Variants in FAM227A observed in about 807,000 individuals in gnomAD.
FAM227A encodes the protein family with sequence similarity 227 member A, also known as protein FAM227A.
Under a neutral mutation model 74.7 loss-of-function variants are expected in FAM227A, and 80 were observed. The ratio of observed to expected loss-of-function variants is 1.07; its 90% confidence interval spans 0.89 to 1.29. The LOEUF is 1.29. FAM227A is among the 50% of genes most tolerant of loss of function. The pLI is 0.00. For missense variants in FAM227A, 654 were observed against 683.4 expected, an observed-to-expected ratio of 0.96 and a Z score of 0.48; for synonymous variants, 237 against 241.8, an observed-to-expected ratio of 0.98 and a Z score of 0.19.
chr22:38,643,266 A>AGGT (rs1371075165), intron 3 of FAM227A, among the ~76,000 whole-genome samples: 1 of 151,962 alleles, frequency 6.6e-6, no homozygotes, highest in Non-Finnish European at 1.5e-5. Flanking sequence ...CAGTGAGCCA[A>AGGT]GATCACGCCA....
rs1423267729 is a variant in FAM227A, at chr22:38,656,298, TACTCTG to T, written c.-279_-274del. 6 of 152,368 alleles carry T rather than the reference TACTCTG, an allele frequency of 3.9e-5. No homozygotes were observed. The highest frequency in any genetic ancestry group is 3.9e-4 in the Admixed American group (6 of 15,286). 9.4% of individuals were successfully genotyped at this position (152,368 alleles called of 1,614,324 possible). A position where few individuals can be genotyped will look rare whatever the true frequency, so the allele number is the denominator to read the frequency against. On this transcript the variant is annotated 5_prime_UTR_variant, in exon 1 of 17. An upstream open reading frame in the 5' UTR gains an earlier in-frame stop. Transcript: ENST00000535113. Reference sequence around the variant, plus strand: ...GGAGTTGGGGAGAGGCCCATTTTGCTACTCTGAGTCCAGGCGTTCTCTAGGCAACGC... The same window carrying T: ...GGAGTTGGGGAGAGGCCCATTTTGCTAGTCCAGGCGTTCTCTAGGCAACGC...
At chr22:38,636,198 G>A (rs1212153348) in intron 6 of FAM227A, among the ~76,000 whole-genome samples, 1 of 152,250 alleles carries the variant, frequency 6.6e-6, no homozygotes, top group Non-Finnish European at 1.5e-5. Context: ...AAACAGACAC[G>A]TTTCAATGAG....
rs983969610 is a variant in FAM227A, at chr22:38,645,584, G to C, written c.204C>G (p.Thr68=). The change falls in exon 3 of 17, where the codon ACC becomes ACG. Residue 68 remains threonine, a synonymous_variant. Transcript: ENST00000535113. ...NQKIADINLR[T]EPSANSLAIE... is the part of the protein sequence containing the mutation. The stretch of plus-strand genomic sequence containing the variant: ...TCACCAGGCTGTTGGCCGACGGCTC[G>C]GTACGCAGATTTATGTCAGCAATCT... 7 of 1,551,236 alleles carry C rather than the reference G, an allele frequency of 4.5e-6. No individual in the cohort carries two copies. The East Asian group carries it at 7.3e-5, about 16-fold the overall frequency.
chr22:38,590,966 G>C (rs149960982), intron 16 of FAM227A, among the ~76,000 whole-genome samples: 250 of 152,032 alleles, frequency 1.6e-3, no homozygotes, highest in Non-Finnish European at 3.0e-3. Context: ...TGTATTTTTA[G>C]TAGAGATGGG....
chr22:38,643,182 G>A (rs759671877), intron 3 of FAM227A, among the ~76,000 whole-genome samples: 3 of 151,744 alleles, frequency 2.0e-5, no homozygotes, highest in Non-Finnish European at 2.9e-5. Flanking sequence ...CGGGAGTGGT[G>A]GTGGGTGCCT....
At chr22:38,606,904 C>T (rs772616543) in intron 12 of FAM227A, among the ~76,000 whole-genome samples, 4 of 152,110 alleles carry the variant, frequency 2.6e-5, no homozygotes, top group East Asian at 1.9e-4. Flanking sequence ...TTAGGCTGGG[C>T]GAGGTGGCTC....
intron 15 of FAM227A, among the ~76,000 whole-genome samples, chr22:38,594,035 C>T (rs917590051): frequency 6.6e-6 from 1 of 152,168 alleles, no homozygotes; most frequent in African/African-American, 2.4e-5. Context: ...ACCATCTGAT[C>T]TTGCCTTTTT....
At chr22:38,631,154 C>T (rs573900866) in intron 6 of FAM227A, among the ~76,000 whole-genome samples, 32 of 152,094 alleles carry the variant, frequency 2.1e-4, no homozygotes, top group Non-Finnish European at 4.3e-4. Context: ...GGCGACAGAG[C>T]GAGTGTCTTA....
At chr22:38,610,886 C>T (rs2091398361) in intron 11 of FAM227A, among the ~76,000 whole-genome samples, 1 of 152,078 alleles carries the variant, frequency 6.6e-6, no homozygotes, top group African/African-American at 2.4e-5. Flanking sequence ...ATGGTGAAAC[C>T]CTGTCTCTAC....
rs1296190923 is a variant in FAM227A, at chr22:38,597,125, C to T, written c.1532+79G>A. On this transcript the variant is annotated intron_variant, in intron 15 of 16. Coordinates refer to ENST00000535113, the MANE Select transcript of FAM227A (RefSeq NM_001013647.2). ...ACAGGAAACCCCCCTGCCCCACCAA[C>T]CCATTTAAAAATGATGATGATCGTG... 9.3e-6 allele frequency: 13 copies of T among 1,400,752 alleles called. No individual in the cohort carries two copies. In the African/African-American group the frequency reaches 1.9e-4, roughly 20 times the overall value. 86.8% of individuals were successfully genotyped at this position (1,400,752 alleles called of 1,614,324 possible). A position where few individuals can be genotyped will look rare whatever the true frequency, so the allele number is the denominator to read the frequency against.
chr22:38,612,983 G>A (rs1015187305), intron 11 of FAM227A, among the ~76,000 whole-genome samples: 4 of 143,118 alleles, frequency 2.8e-5, no homozygotes, highest in Non-Finnish European at 4.5e-5. Flanking sequence ...CCTCCTTACA[G>A]AGGCCTTCTT....
intron 10 of FAM227A, 78 bp from the exon 11 acceptor site, chr22:38,620,369 C>G: frequency 8.5e-7 from 1 of 1,177,620 alleles, no homozygotes; most frequent in Non-Finnish European, 1.2e-6. Flanking sequence ...CTTGAGACAG[C>G]CTCCTTTCTG....
At chr22:38,592,914 G>A (rs1024950001) in intron 15 of FAM227A, among the ~76,000 whole-genome samples, 10 of 152,208 alleles carry the variant, frequency 6.6e-5, no homozygotes, top group African/African-American at 2.2e-4. Flanking sequence ...ACAACAAAAC[G>A]ACTGAGGATC....
chr22:38,636,674 T>C, intron 5 of FAM227A, 77 bp from the exon 6 acceptor site: 2 of 1,313,648 alleles, frequency 1.5e-6, no homozygotes, highest in Non-Finnish European at 2.1e-6. Flanking sequence ...TTCCCCTCTT[T>C]ATTATGAAGA....
chr22:38,641,253 G>T (rs2092107796), intron 3 of FAM227A, among the ~76,000 whole-genome samples: 1 of 152,104 alleles, frequency 6.6e-6, no homozygotes, highest in South Asian at 2.1e-4. Flanking sequence ...TCTCCAGGAA[G>T]GCAACTCCCA....
chr22:38,582,709 C>A lies in FAM227A; in HGVS notation c.*3416G>T. 1 of 1,069,678 alleles carries A rather than the reference C, an allele frequency of 9.3e-7. No homozygotes were observed. Among genetic ancestry groups the A allele is most frequent in the South Asian group, 1.6e-5 (1 of 63,928 alleles). 66.3% of individuals were successfully genotyped at this position (1,069,678 alleles called of 1,614,324 possible). A position where few individuals can be genotyped will look rare whatever the true frequency, so the allele number is the denominator to read the frequency against. On this transcript the variant is annotated 3_prime_UTR_variant, in exon 17 of 17. Coordinates refer to ENST00000535113, the MANE Select transcript of FAM227A (RefSeq NM_001013647.2). Reference sequence around the variant, plus strand: ...AGACAGAAATGCAGTTTGTCCTGGGCTTAGAAAATAAGGAGACCTTCTTGC... The same window carrying A: ...AGACAGAAATGCAGTTTGTCCTGGGATTAGAAAATAAGGAGACCTTCTTGC...
intron 11 of FAM227A, among the ~76,000 whole-genome samples, chr22:38,615,843 T>G (rs1234410961): frequency 6.6e-6 from 1 of 152,166 alleles, no homozygotes; most frequent in African/African-American, 2.4e-5. Flanking sequence ...GGAGCCCAGG[T>G]GGCAGCTGCT....
rs1435078532 is a variant in FAM227A at position 38,613,312 on chromosome 22, C to CATATATT, written c.1039-5837_1039-5836insAATATAT. On this transcript the variant is annotated intron_variant, in intron 11 of 16. Transcript: ENST00000535113. ...AATATATATCATATATAATATATAA[C>CATATATT]ATATAATATATATCATATATAATAT... Among the ~76,000 whole-genome samples, 374 of 56,376 alleles carry CATATATT rather than the reference C, an allele frequency of 6.6e-3. 2 individuals carry two copies. The highest frequency in any genetic ancestry group is 0.014 in the Admixed American group (42 of 3,064). The allele number at this position is 56,376 out of a possible 152,430, so 37.0% of individuals were successfully genotyped here. A position where few individuals can be genotyped will look rare whatever the true frequency, so the allele number is the denominator to read the frequency against.
At chr22:38,644,651 G>A (rs963623891) in intron 3 of FAM227A, among the ~76,000 whole-genome samples, 2 of 152,164 alleles carry the variant, frequency 1.3e-5, no homozygotes, top group African/African-American at 2.4e-5. Context: ...ATGTAACAAT[G>A]TAGGTCCGTT....
Sources: allele counts gnomAD v4.1 joint callset (sites outside exome capture counted in the v4.1 genomes callset), GRCh38; gene constraint gnomAD v4.1.1; transcripts MANE v1.5; gene names NCBI Gene and HGNC (gene_info 2026-07-23, HGNC 2026-07-21).